Variants in CDK15 observed in about 807,000 individuals in gnomAD.
CDK15 encodes the protein cyclin dependent kinase 15, also known as cyclin-dependent kinase 15.
CDK15 carries 62 observed loss-of-function variants against 60.3 expected under a neutral mutation model. That is an observed-to-expected ratio of 1.03 (90% CI 0.84 to 1.27). The LOEUF (loss-of-function observed/expected upper bound fraction) is 1.27, where lower values mean the gene tolerates loss of function less well. CDK15 is among the 50% of genes most tolerant of loss of function. The pLI is 0.00. For missense variants in CDK15, 541 were observed against 527.8 expected (o/e 1.03, Z -0.25); for synonymous variants, 194 against 195.7 (o/e 0.99, Z 0.07).
chr2:201,870,519 G>C (rs1313233256), intron 10 of CDK15, among the ~76,000 whole-genome samples: 5 of 59,578 alleles, frequency 8.4e-5, no homozygotes, highest in Non-Finnish European at 2.0e-4. Flanking sequence ...GACCAGCCTG[G>C]ACAAAAAAAA....
Position 201,895,031 on chromosome 2 carries a change from C to T in CDK15, c.*1764C>T, listed in dbSNP as rs1414019477. The T allele has an allele frequency of 6.6e-6, 1 of 152,172 alleles. No homozygotes were observed. Among genetic ancestry groups the T allele is most frequent in the African/African-American group, 2.4e-5 (1 of 41,436 alleles). 9.4% of individuals were successfully genotyped at this position (152,172 alleles called of 1,614,324 possible). On this transcript the variant is annotated 3_prime_UTR_variant, in exon 14 of 14. Transcript: ENST00000652192. Reference sequence around the variant, plus strand: ...TGTCCCCCAGAGATAATGCTAGTACCAATCGAAAGCTCAGGGATGCTACTG... The same window carrying T: ...TGTCCCCCAGAGATAATGCTAGTACTAATCGAAAGCTCAGGGATGCTACTG...
At chr2:201,873,659 A>G (rs1001932753) in intron 11 of CDK15, among the ~76,000 whole-genome samples, 6 of 152,196 alleles carry the variant, frequency 3.9e-5, no homozygotes, top group Non-Finnish European at 7.3e-5. Context: ...TTTTCTGACG[A>G]TATAGCACCC....
At chr2:201,817,767 A>G (rs1696056502) in intron 4 of CDK15, among the ~76,000 whole-genome samples, 1 of 152,210 alleles carries the variant, frequency 6.6e-6, no homozygotes, top group Admixed American at 6.5e-5. Context: ...ATCATATCAC[A>G]TGACAAATAC....
At chr2:201,888,897 C>T (rs1447012439) in intron 12 of CDK15, 6 of 1,005,842 alleles carry the variant, frequency 6.0e-6, no homozygotes, top group African/African-American at 1.7e-5. Context: ...GTAAAGTATA[C>T]GCACTGTTTA....
intron 8 of CDK15, among the ~76,000 whole-genome samples, chr2:201,839,732 C>A (rs572921815): frequency 2.6e-5 from 4 of 151,954 alleles, no homozygotes; most frequent in African/African-American, 9.7e-5. Context: ...AAAATATTGG[C>A]GATGGATGAA....
At chr2:201,888,545 T>G (rs1251551752) in intron 12 of CDK15, 2 of 1,493,894 alleles carry the variant, frequency 1.3e-6, no homozygotes, top group Non-Finnish European at 1.8e-6. Context: ...TTTGTGAGAT[T>G]GCTGAAGGAG....
At chr2:201,891,459 T>TC (rs1452308906) in intron 13 of CDK15, among the ~76,000 whole-genome samples, 1 of 152,178 alleles carries the variant, frequency 6.6e-6, no homozygotes, top group East Asian at 1.9e-4. Flanking sequence ...AACAAAGTTT[T>TC]CCCCAAAACA....
At chr2:201,838,269 G>A (rs965443729) in intron 8 of CDK15, among the ~76,000 whole-genome samples, 6 of 151,898 alleles carry the variant, frequency 4.0e-5, no homozygotes, top group African/African-American at 1.5e-4. Flanking sequence ...GTGGTGGGGG[G>A]TATCACTGGC....
chr2:201,887,296 A>G (rs1699485934), intron 12 of CDK15, among the ~76,000 whole-genome samples: 1 of 152,230 alleles, frequency 6.6e-6, no homozygotes, highest in Non-Finnish European at 1.5e-5. Context: ...CTGAAAATTA[A>G]TATGCACATG....
At chr2:201,820,493 A>G (rs1696172364) in intron 4 of CDK15, among the ~76,000 whole-genome samples, 1 of 152,214 alleles carries the variant, frequency 6.6e-6, no homozygotes, top group Non-Finnish European at 1.5e-5. Flanking sequence ...AACCCTATGA[A>G]GTAAGTCAGA....
intron 10 of CDK15, among the ~76,000 whole-genome samples, chr2:201,862,455 T>A (rs971456380): frequency 6.6e-6 from 1 of 152,230 alleles, no homozygotes; most frequent in African/African-American, 2.4e-5. Context: ...GACTAAGAGT[T>A]AGAAAACCTG....
chr2:201,812,187 A>AAAC (rs1695803785), intron 3 of CDK15, among the ~76,000 whole-genome samples: 10 of 147,836 alleles, frequency 6.8e-5, no homozygotes, highest in African/African-American at 2.3e-4. Context: ...AAAAAAAAAA[A>AAAC]AAAACAAAAA....
rs1695570986 is a variant in CDK15, at chr2:201,807,599, A to G, written c.229A>G (p.Ser77Gly). 1 of 1,614,160 alleles carries G rather than the reference A, an allele frequency of 6.2e-7. No individual in the cohort carries two copies. The highest frequency in any genetic ancestry group is 8.5e-7 in the Non-Finnish European group (1 of 1,180,026). Residue 77 changes from serine to glycine, a missense_variant, in exon 2 of 14, where the codon AGT (serine) becomes GGT (glycine). By Grantham distance (56) the Ser-to-Gly change is moderately conservative. Transcript: ENST00000652192. ...CAAGAGTAAAAGGCCACGGAGTAAC[A>G]GTGATTGTTTTCAGGAAGAGGATCT... ...KFKSKRPRSN[S>G]DCFQEEDLRQ... is the part of the protein sequence containing the mutation.
intron 10 of CDK15, among the ~76,000 whole-genome samples, chr2:201,862,167 G>T (rs1288480314): frequency 6.6e-6 from 1 of 152,188 alleles, no homozygotes; most frequent in Non-Finnish European, 1.5e-5. Flanking sequence ...CACCTAGACT[G>T]CAGTAATATG....
At chr2:201,875,268 A>G (rs6435114) in intron 11 of CDK15, among the ~76,000 whole-genome samples, 39,225 of 152,054 alleles carry the variant, frequency 0.26, 5,463 homozygotes, top group East Asian at 0.46. Flanking sequence ...GTGGCAATTC[A>G]GGTGGGTTGG....
At chr2:201,866,010 A>ATG (rs72270010) in intron 10 of CDK15, among the ~76,000 whole-genome samples, 1,793 of 139,722 alleles carry the variant, frequency 0.013, 13 homozygotes, top group African/African-American at 0.017. Context: ...ACATGAGTGA[A>ATG]TGTGTGTGTG....
At chr2:201,829,685 G>A (rs1160315638) in intron 6 of CDK15, among the ~76,000 whole-genome samples, 1 of 152,192 alleles carries the variant, frequency 6.6e-6, no homozygotes, top group Non-Finnish European at 1.5e-5. Context: ...AGCACTGTCA[G>A]TGGGTAAGAT....
At chr2:201,836,817 A>G (rs1307170056) in intron 8 of CDK15, among the ~76,000 whole-genome samples, 1 of 151,232 alleles carries the variant, frequency 6.6e-6, no homozygotes, top group African/African-American at 2.4e-5. Flanking sequence ...AAAAAAAAGC[A>G]TAAAGACCAA....
chr2:201,837,638 A>T (rs994452175), intron 8 of CDK15, among the ~76,000 whole-genome samples: 2 of 151,814 alleles, frequency 1.3e-5, no homozygotes, highest in Admixed American at 1.3e-4. Flanking sequence ...CGGCAGTGTT[A>T]TTTTCTCTGG....
Sources: allele counts gnomAD v4.1 joint callset (sites outside exome capture counted in the v4.1 genomes callset), GRCh38; gene constraint gnomAD v4.1.1; transcripts MANE v1.5; gene names NCBI Gene and HGNC (gene_info 2026-07-23, HGNC 2026-07-21).